The following CEP170 variants were observed in gnomAD, a reference collection of about 807,000 sequenced individuals.
CEP170 encodes the protein centrosomal protein 170.
CEP170 carries 21 observed loss-of-function variants against 151.9 expected under a neutral mutation model. The observed-to-expected ratio is 0.14, with a 90% CI of 0.10 to 0.20. The LOEUF is 0.20. Among genes scored for constraint, CEP170 ranks in the 10% least tolerant of loss-of-function variants. The pLI, the probability that CEP170 is intolerant of heterozygous loss-of-function variation, is 1.00. For synonymous variants in CEP170, 356 were observed against 648.8 expected (o/e 0.55, Z 6.86); for missense variants, 964 against 1,892.9 (o/e 0.51, Z 9.11).
rs1028681732 is a variant in CEP170 at position 243,156,243 on chromosome 1, C to T, written c.3889G>A (p.Ala1297Thr). ...AACCTGGCTATCTCTTCTCGATGAG[C>T]AGTCCAATCTCGGATGTAGTCTTCC... The part of the protein sequence containing the change: ...EQEDYIRDWT[A>T]HREEIARISQ... Residue 1297 changes from alanine (A) to threonine (T), a missense_variant, in exon 14 of 20, where the codon GCT becomes ACT. Transcript: ENST00000366542. 18 of 1,587,886 alleles carry T rather than the reference C, an allele frequency of 1.1e-5. No homozygotes were observed. The highest frequency in any genetic ancestry group is 1.4e-5 in the Non-Finnish European group (16 of 1,167,342).
intron 8 of CEP170, among the ~76,000 whole-genome samples, chr1:243,186,859 C>T (rs939090340): frequency 1.2e-4 from 18 of 152,124 alleles, no homozygotes; most frequent in African/African-American, 4.3e-4. Context: ...TACTGTTACA[C>T]AGGAAATGAG....
At chr1:243,236,605 C>T (rs952719430) in intron 1 of CEP170, among the ~76,000 whole-genome samples, 5 of 152,188 alleles carry the variant, frequency 3.3e-5, no homozygotes, top group East Asian at 1.9e-4. Flanking sequence ...TCTAGAGAAA[C>T]GAGGGAAATT....
intron 7 of CEP170, among the ~76,000 whole-genome samples, chr1:243,196,605 C>A (rs2789163): frequency 6.6e-6 from 1 of 152,002 alleles, no homozygotes; most frequent in Admixed American, 6.6e-5. Context: ...AAAATTTTAA[C>A]GGCAAGATAA....
At chr1:243,241,784 C>T (rs572483038) in intron 1 of CEP170, among the ~76,000 whole-genome samples, 2 of 138,868 alleles carry the variant, frequency 1.4e-5, no homozygotes, top group East Asian at 4.1e-4. Context: ...AGTGAGACTC[C>T]CTCTCATTAA....
At chr1:243,242,702 CCTT>C (rs1386473913) in intron 1 of CEP170, among the ~76,000 whole-genome samples, 1 of 151,736 alleles carries the variant, frequency 6.6e-6, no homozygotes, top group Non-Finnish European at 1.5e-5. Flanking sequence ...AATTTTGAAT[CCTT>C]TTTTTTTTTC....
intron 3 of CEP170, among the ~76,000 whole-genome samples, chr1:243,216,412 T>G (rs1287423336): frequency 6.7e-6 from 1 of 149,976 alleles, no homozygotes; most frequent in Non-Finnish European, 1.5e-5. Flanking sequence ...TGTCCATGTG[T>G]TCTCATTGTT....
At chr1:243,250,073 A>C (rs1200265551) in intron 1 of CEP170, among the ~76,000 whole-genome samples, 1 of 152,216 alleles carries the variant, frequency 6.6e-6, no homozygotes, top group Non-Finnish European at 1.5e-5. Context: ...CCGTCTCAAA[A>C]AAACAAAAAC....
At chr1:243,200,261 C>T (rs371447890) in intron 6 of CEP170, among the ~76,000 whole-genome samples, 2 of 152,004 alleles carry the variant, frequency 1.3e-5, no homozygotes, top group African/African-American at 2.4e-5. Context: ...ACCAGTCCCC[C>T]ACGGATACTG....
intron 10 of CEP170, among the ~76,000 whole-genome samples, chr1:243,181,352 G>A (rs1051648002): frequency 6.6e-6 from 1 of 152,154 alleles, no homozygotes; most frequent in Admixed American, 6.6e-5. Flanking sequence ...TAAAACTTAA[G>A]AGGTCTTTAT....
At chr1:243,178,163 T>C (rs1374857898) in intron 10 of CEP170, among the ~76,000 whole-genome samples, 6 of 151,768 alleles carry the variant, frequency 4.0e-5, no homozygotes, top group Admixed American at 3.9e-4. Context: ...ACCCCATCTA[T>C]ACTAAAAATA....
intron 8 of CEP170, among the ~76,000 whole-genome samples, chr1:243,187,227 G>A (rs1300254415): frequency 6.6e-6 from 1 of 152,094 alleles, no homozygotes; most frequent in Non-Finnish European, 1.5e-5. Context: ...TCGGAATTTT[G>A]AAAGATCACC....
chr1:243,255,740 C>T (rs927222332), upstream of CEP170, among the ~76,000 whole-genome samples: 1 of 152,228 alleles, frequency 6.6e-6, no homozygotes, highest in African/African-American at 2.4e-5. Flanking sequence ...TCAAGGCCTT[C>T]AGTGAGCCCT....
chr1:243,148,224 CAT>C (rs1558415688), intron 14 of CEP170, among the ~76,000 whole-genome samples: 1 of 151,610 alleles, frequency 6.6e-6, no homozygotes, highest in Non-Finnish European at 1.5e-5. Flanking sequence ...ACAAAGGAGA[CAT>C]AGACAAATTT....
intron 14 of CEP170, among the ~76,000 whole-genome samples, chr1:243,145,458 A>T (rs2056354126): frequency 6.6e-6 from 1 of 152,206 alleles, no homozygotes; most frequent in Middle Eastern, 3.2e-3. Context: ...TATTTTTAGT[A>T]GCAATGAGGT....
At chr1:243,215,498 G>A (rs748330506) in intron 3 of CEP170, among the ~76,000 whole-genome samples, 5 of 152,240 alleles carry the variant, frequency 3.3e-5, no homozygotes, top group Admixed American at 1.3e-4. Context: ...TGTCTTTTAC[G>A]GTTGGAGATA....
At chr1:243,194,963 T>C (rs2060547948) in intron 7 of CEP170, among the ~76,000 whole-genome samples, 1 of 151,830 alleles carries the variant, frequency 6.6e-6, no homozygotes, top group South Asian at 2.1e-4. Flanking sequence ...TGTGTTACCT[T>C]AACACAATAT....
chr1:243,201,676 G>A (rs901062246), intron 4 of CEP170, among the ~76,000 whole-genome samples: 1 of 152,050 alleles, frequency 6.6e-6, no homozygotes, highest in Non-Finnish European at 1.5e-5. Flanking sequence ...CAAGCATAAG[G>A]GAAGTAGGAA....
At chr1:243,228,042 A>G (rs2063445898) in intron 1 of CEP170, among the ~76,000 whole-genome samples, 1 of 152,218 alleles carries the variant, frequency 6.6e-6, no homozygotes, top group South Asian at 2.1e-4. Context: ...GTTCTTTCTT[A>G]TGAATCAAAA....
Position 243,196,548 on chromosome 1 carries a change from C to A in CEP170, c.631+2512G>T, listed in dbSNP as rs35525824. On this transcript the variant is annotated intron_variant, in intron 7 of 19. Transcript: ENST00000366542. The stretch of plus-strand genomic sequence containing the variant: ...ACACTTCACTGTATGTTAGAAGTTA[C>A]GCGCTTCAGATTTCAAAAGCTGTTT... Among the ~76,000 whole-genome samples, 836 of 152,178 alleles carry A rather than the reference C, an allele frequency of 5.5e-3. 9 individuals are homozygous for A. Among genetic ancestry groups the A allele is most frequent in the African/African-American group, 0.019 (778 of 41,512 alleles).
Sources: allele counts gnomAD v4.1 joint callset (sites outside exome capture counted in the v4.1 genomes callset), GRCh38; gene constraint gnomAD v4.1.1; transcripts MANE v1.5; gene names NCBI Gene and HGNC (gene_info 2026-07-23, HGNC 2026-07-21).